DCDC2: variants seen among roughly 807,000 people sequenced by gnomAD.
The protein encoded by DCDC2 is doublecortin domain-containing protein 2.
DCDC2 carries 40 observed loss-of-function variants against 50.2 expected under a neutral mutation model. The ratio of observed to expected loss-of-function variants is 0.80; its 90% CI spans 0.62 to 1.04. The LOEUF is 1.04. Among genes scored for constraint, DCDC2 ranks in the 50% least tolerant of loss-of-function variants. DCDC2 has a pLI of 0.00. For missense variants in DCDC2, 570 were observed against 581.9 expected (o/e 0.98, Z 0.21); for synonymous variants, 234 against 210.6 (o/e 1.11, Z -0.96).
chr6:24,187,814 G>C (rs1561882911), intron 8 of DCDC2, among the ~76,000 whole-genome samples: 1 of 152,176 alleles, frequency 6.6e-6, no homozygotes, highest in Admixed American at 6.5e-5. Flanking sequence ...CAGGTACCCA[G>C]TGCTATGGCC....
intron 7 of DCDC2, among the ~76,000 whole-genome samples, chr6:24,220,919 C>CGAGTGAGCGAGCGAGCGAGAGAGT (rs1762104384): frequency 2.3e-5 from 1 of 43,608 alleles, no homozygotes; most frequent in African/African-American, 6.1e-5. Context: ...AGTGAGCGAG[C>CGAGTGAGCGAGCGAGCGAGAGAGT]GAGCGAGAGC....
At chr6:24,373,392 C>A in the DCDC2 span, among the ~76,000 whole-genome samples, 12 of 152,292 alleles carry the variant, frequency 7.9e-5, no homozygotes, top group African/African-American at 2.9e-4. Flanking sequence ...AATGGAATAC[C>A]ATGCAGCAGT....
At chr6:24,258,568 A>C (rs1762943618) in intron 7 of DCDC2, among the ~76,000 whole-genome samples, 1 of 152,230 alleles carries the variant, frequency 6.6e-6, no homozygotes, top group African/African-American at 2.4e-5. Context: ...CCAGAAGTCC[A>C]GCTGGCTTCA....
intron 6 of DCDC2, among the ~76,000 whole-genome samples, chr6:24,286,892 T>G (rs1423340008): frequency 6.6e-6 from 1 of 152,206 alleles, no homozygotes; most frequent in African/African-American, 2.4e-5. Flanking sequence ...CTTGGTTTCT[T>G]CCAGAATAAT....
intron 4 of DCDC2, among the ~76,000 whole-genome samples, chr6:24,297,168 T>C (rs1759271176): frequency 6.6e-6 from 1 of 152,190 alleles, no homozygotes; most frequent in Non-Finnish European, 1.5e-5. Flanking sequence ...TGCAGGAACA[T>C]GGAAAGAGCT....
At chr6:24,329,139 C>G (rs978708449) in intron 2 of DCDC2, among the ~76,000 whole-genome samples, 4 of 152,078 alleles carry the variant, frequency 2.6e-5, no homozygotes, top group Admixed American at 2.6e-4. Context: ...GATGAGCCCT[C>G]CCTACTGACG....
intron 7 of DCDC2, among the ~76,000 whole-genome samples, chr6:24,249,617 G>A (rs980623710): frequency 2.0e-5 from 3 of 152,098 alleles, no homozygotes; most frequent in African/African-American, 7.2e-5. Flanking sequence ...TAATCCAACC[G>A]ACAGTGTTAA....
At chr6:24,326,845 C>T (rs1411698322) in intron 2 of DCDC2, among the ~76,000 whole-genome samples, 2 of 142,294 alleles carry the variant, frequency 1.4e-5, no homozygotes, top group Admixed American at 7.1e-5. Context: ...GGTGACAGAG[C>T]GAGACCCTGT....
At chr6:24,350,453 T>C (rs1760347785) in intron 2 of DCDC2, among the ~76,000 whole-genome samples, 2 of 152,170 alleles carry the variant, frequency 1.3e-5, no homozygotes. Flanking sequence ...TAAAATGTAC[T>C]CGGAATAATT....
At chr6:24,186,199 A>G (rs181083279) in intron 8 of DCDC2, among the ~76,000 whole-genome samples, 1 of 152,382 alleles carries the variant, frequency 6.6e-6, no homozygotes, top group East Asian at 1.9e-4. Context: ...GCGCTTAAGC[A>G]ACAAATGACT....
At chr6:24,311,962 T>C (rs554681972) in intron 2 of DCDC2, among the ~76,000 whole-genome samples, 2 of 152,298 alleles carry the variant, frequency 1.3e-5, no homozygotes, top group East Asian at 3.9e-4. Context: ...CTGAAGCAAC[T>C]GAAGAACCAC....
At chr6:24,204,268 A>C (rs574193414) in intron 8 of DCDC2, among the ~76,000 whole-genome samples, 1 of 152,360 alleles carries the variant, frequency 6.6e-6, no homozygotes, top group Admixed American at 6.5e-5. Context: ...CTGGATAAAG[A>C]AAATATGGAA....
chr6:24,356,670 G>C (rs1298528708), intron 1 of DCDC2, among the ~76,000 whole-genome samples: 1 of 151,982 alleles, frequency 6.6e-6, no homozygotes, highest in East Asian at 1.9e-4. Flanking sequence ...TCCCTTTGTA[G>C]CTTGCATTAA....
At chr6:24,333,888 G>A (rs1367787673) in intron 2 of DCDC2, among the ~76,000 whole-genome samples, 2 of 152,166 alleles carry the variant, frequency 1.3e-5, no homozygotes, top group Non-Finnish European at 2.9e-5. Flanking sequence ...GTGAATTTCA[G>A]AAACAGGAGT....
intron 7 of DCDC2, among the ~76,000 whole-genome samples, chr6:24,247,401 A>G (rs939303759): frequency 6.6e-6 from 1 of 152,032 alleles, no homozygotes; most frequent in African/African-American, 2.4e-5. Context: ...AAAAGACATT[A>G]TTATTTGGAA....
At chr6:24,355,690 G>C (rs528078797) in intron 1 of DCDC2, among the ~76,000 whole-genome samples, 3 of 152,106 alleles carry the variant, frequency 2.0e-5, no homozygotes, top group South Asian at 4.1e-4. Flanking sequence ...CCTTTTTTAC[G>C]AAGTTTAACA....
chr6:24,276,395 T>C (rs1763357734), intron 7 of DCDC2, among the ~76,000 whole-genome samples: 1 of 138,564 alleles, frequency 7.2e-6, no homozygotes, highest in Admixed American at 8.0e-5. Flanking sequence ...GCAAATAACA[T>C]CTTATAAAAG....
chr6:24,178,451 G>A lies in DCDC2; in HGVS notation c.1205C>T (p.Ala402Val), dbSNP rs748310193. The A allele has an allele frequency of 6.2e-7, 1 of 1,614,116 alleles. No homozygotes were observed. The highest frequency in any genetic ancestry group is 8.5e-7 in the Non-Finnish European group (1 of 1,180,016). The change falls in exon 9 of 10, where the codon GCT becomes GTT. Residue 402 changes from alanine to valine, a missense_variant. Physicochemically the swap from Ala to Val is moderately conservative, Grantham distance 64. Coordinates refer to ENST00000378454, the MANE Select transcript of DCDC2 (RefSeq NM_016356.5). ...CTCATCGGTGCCTCCATTTACACGA[G>A]CAGGGCGTGCCTGCTGCTCACTGTG... ...LDHSEQQARP[A>V]RVNGGTDEEN...
intron 4 of DCDC2, among the ~76,000 whole-genome samples, chr6:24,296,128 A>C (rs1759228171): frequency 6.6e-6 from 1 of 152,302 alleles, no homozygotes; most frequent in Non-Finnish European, 1.5e-5. Flanking sequence ...AAAAACAGAC[A>C]ATGTAGACCA....
Sources: allele counts gnomAD v4.1 joint callset (sites outside exome capture counted in the v4.1 genomes callset), GRCh38; gene constraint gnomAD v4.1.1; transcripts MANE v1.5; gene names NCBI Gene and HGNC (gene_info 2026-07-23, HGNC 2026-07-21).